The following ZSWIM6 variants were observed in gnomAD, a reference collection of about 807,000 sequenced individuals.
ZSWIM6 encodes zinc finger SWIM-type containing 6, also known as zinc finger SWIM domain-containing protein 6.
In ZSWIM6, 9 loss-of-function variants were observed where a neutral mutation model predicts 113.2. That is an observed-to-expected ratio of 0.08 (90% confidence interval 0.05 to 0.14). The LOEUF (loss-of-function observed/expected upper bound fraction) is 0.14. ZSWIM6 is among the 10% of genes least tolerant of loss of function. The pLI is 1.00. For synonymous variants in ZSWIM6, 611 were observed against 606.5 expected, an observed-to-expected ratio of 1.01 and a Z score of -0.11; for missense variants, 1,162 against 1,552.2, an observed-to-expected ratio of 0.75 and a Z score of 4.22.
intron 1 of ZSWIM6, among the ~76,000 whole-genome samples, chr5:61,350,236 A>G (rs762586034): frequency 2.6e-5 from 4 of 152,174 alleles, no homozygotes; most frequent in African/African-American, 7.2e-5. Context: ...CACTTGTACA[A>G]GTGTTCCAGT....
rs1164703836 is a variant in ZSWIM6, at chr5:61,406,957, C to T, written c.677-65724C>T. 2.0e-5 allele frequency among the ~76,000 whole-genome samples: 3 copies of T among 152,262 alleles called. No homozygotes were observed. The South Asian group carries it at 6.2e-4, about 32-fold the overall frequency. ...CGAACTCCTGACTTCAGGTGATCCACCCACCTCAGCCTCCCAAAGTGCTGG... is the reference window on the plus strand; with the variant it reads ...CGAACTCCTGACTTCAGGTGATCCATCCACCTCAGCCTCCCAAAGTGCTGG... On this transcript the variant is annotated intron_variant, in intron 1 of 13. Coordinates refer to ENST00000252744, the MANE Select transcript of ZSWIM6 (RefSeq NM_020928.2).
chr5:61,360,726 A>T (rs964867391), intron 1 of ZSWIM6, among the ~76,000 whole-genome samples: 1 of 152,196 alleles, frequency 6.6e-6, no homozygotes, highest in Admixed American at 6.5e-5. Flanking sequence ...TCTCTCTTCA[A>T]GGTCACCACT....
intron 1 of ZSWIM6, among the ~76,000 whole-genome samples, chr5:61,383,886 G>T (rs1745536174): frequency 6.6e-6 from 1 of 151,666 alleles, no homozygotes; most frequent in Non-Finnish European, 1.5e-5. Context: ...TTTGGGATTG[G>T]TTTAAGTAAT....
chr5:61,487,494 T>A (rs1221800555), intron 2 of ZSWIM6, among the ~76,000 whole-genome samples: 1 of 152,118 alleles, frequency 6.6e-6, no homozygotes, highest in Admixed American at 6.6e-5. Context: ...AATAGGGTCA[T>A]CTTACCTATA....
chr5:61,490,751 A>G, intron 2 of ZSWIM6, 35 bp from the exon 3 acceptor site: 4 of 1,539,158 alleles, frequency 2.6e-6, no homozygotes, highest in East Asian at 2.5e-5. Context: ...GTTTTTATCT[A>G]GCCTGTGTGT....
At position 61,367,607 on chromosome 5, in the gene ZSWIM6, T is replaced by C. The variant is rs181189452; in HGVS notation, c.676+34659T>C. On this transcript the variant is annotated intron_variant, in intron 1 of 13. Coordinates refer to ENST00000252744, the MANE Select transcript of ZSWIM6 (RefSeq NM_020928.2). ...ACATTTTCTCTAGCTTTCTCAAGAT[T>C]GCATCTACAAGCACAGGAGCTAGGA... Among the ~76,000 whole-genome samples the C allele has an allele frequency of 2.0e-4, 30 of 152,290 alleles. No homozygotes were observed. In the East Asian group the frequency reaches 5.6e-3, roughly 28 times the overall value.
At chr5:61,428,573 G>A (rs774282743) in intron 1 of ZSWIM6, among the ~76,000 whole-genome samples, 2 of 150,236 alleles carry the variant, frequency 1.3e-5, no homozygotes, top group Admixed American at 6.6e-5. Flanking sequence ...GTCTGGCTAT[G>A]TTGATAAGGT....
At chr5:61,516,598 T>G (rs1421450208) in intron 4 of ZSWIM6, among the ~76,000 whole-genome samples, 1 of 150,374 alleles carries the variant, frequency 6.7e-6, no homozygotes, top group Admixed American at 6.6e-5. Flanking sequence ...TCTCCCTTTT[T>G]TATGTTATAG....
chr5:61,533,576 A>G (rs768592023), intron 9 of ZSWIM6, among the ~76,000 whole-genome samples: 1 of 152,238 alleles, frequency 6.6e-6, no homozygotes, highest in Non-Finnish European at 1.5e-5. Flanking sequence ...ATTATTGGAT[A>G]CCTGACTGAA....
chr5:61,457,236 G>T (rs1747222048), intron 1 of ZSWIM6, among the ~76,000 whole-genome samples: 1 of 152,198 alleles, frequency 6.6e-6, no homozygotes, highest in African/African-American at 2.4e-5. Context: ...AAGTAGCAGG[G>T]TTCGTACTGT....
chr5:61,504,665 T>C (rs1748553999), intron 4 of ZSWIM6, among the ~76,000 whole-genome samples: 1 of 152,236 alleles, frequency 6.6e-6, no homozygotes. Flanking sequence ...CAGCACTCTA[T>C]ACTAATCATC....
rs1452879877 is a variant in ZSWIM6, at chr5:61,332,893, C to T, written c.621C>T (p.Phe207=). 1.5e-6 allele frequency: 2 copies of T among 1,338,828 alleles called. No individual in the cohort carries two copies. The highest frequency in any genetic ancestry group is 2.6e-5 in the Admixed American group (1 of 37,854). 82.9% of individuals were successfully genotyped at this position (1,338,828 alleles called of 1,614,324 possible). Residue 207 remains phenylalanine (F), a synonymous_variant, in exon 1 of 14, where the codon TTC becomes TTT. Coordinates refer to ENST00000252744, the MANE Select transcript of ZSWIM6 (RefSeq NM_020928.2). The part of the protein sequence containing the change: ...ADGGDETRLP[F]RRGIALLESG... ...GCGGCGACGAGACGCGGCTGCCTTT[C>T]CGCCGGGGCATCGCGCTGTTGGAAA...
intron 1 of ZSWIM6, among the ~76,000 whole-genome samples, chr5:61,396,402 C>A (rs181403531): frequency 1.1e-4 from 16 of 151,810 alleles, no homozygotes; most frequent in African/African-American, 3.6e-4. Flanking sequence ...TATGGTGGCG[C>A]ACACCTGTAG....
intron 1 of ZSWIM6, among the ~76,000 whole-genome samples, chr5:61,421,390 C>T (rs1418731067): frequency 1.3e-5 from 2 of 152,308 alleles, no homozygotes; most frequent in African/African-American, 2.4e-5. Flanking sequence ...GCTTATTTCA[C>T]TTAACATAAT....
intron 1 of ZSWIM6, among the ~76,000 whole-genome samples, chr5:61,468,260 GGTTT>G (rs1051966251): frequency 3.3e-5 from 5 of 152,038 alleles, no homozygotes; most frequent in Non-Finnish European, 4.4e-5. Flanking sequence ...CTTGGTTTGT[GGTTT>G]GTTTTTCTTC....
chr5:61,440,589 T>A (rs781609952), intron 1 of ZSWIM6, among the ~76,000 whole-genome samples: 1 of 152,166 alleles, frequency 6.6e-6, no homozygotes, highest in Non-Finnish European at 1.5e-5. Context: ...ATAAGAAATA[T>A]GAAGGGTTAA....
rs529603125 is a variant in ZSWIM6 at position 61,514,342 on chromosome 5, T to C, written c.1334-6921T>C. On this transcript the variant is annotated intron_variant, in intron 4 of 13. Coordinates refer to ENST00000252744, the MANE Select transcript of ZSWIM6 (RefSeq NM_020928.2). ...CTTACTGGTTCTAGGAGCAATTTTG[T>C]CCTTTCCACTTGATGTCTTTAATCC... is the stretch of plus-strand genomic sequence containing the variant. Among the ~76,000 whole-genome samples the C allele has an allele frequency of 7.6e-4, 115 of 152,112 alleles. 1 individual carries two copies. Among genetic ancestry groups the C allele is most frequent in the Middle Eastern group, 6.8e-3 (2 of 294 alleles).
intron 4 of ZSWIM6, among the ~76,000 whole-genome samples, chr5:61,520,496 G>A (rs767404512): frequency 6.6e-6 from 1 of 152,052 alleles, no homozygotes. Context: ...GGGAAATTTT[G>A]ATTATGGTTT....
chr5:61,437,359 C>T (rs756507673), intron 1 of ZSWIM6, among the ~76,000 whole-genome samples: 13 of 152,094 alleles, frequency 8.5e-5, no homozygotes, highest in Non-Finnish European at 5.9e-5. Flanking sequence ...TCATTTACTG[C>T]GGGCACCTGA....
Sources: gnomAD v4.1 joint callset for allele counts (sites outside exome capture counted in the v4.1 genomes callset) on GRCh38, gnomAD v4.1.1 for gene constraint, MANE v1.5 for transcripts, NCBI Gene and HGNC (gene_info 2026-07-23, HGNC 2026-07-21) for gene names.